The following ZFAT variants were observed in gnomAD, a reference collection of about 807,000 sequenced individuals.
The protein encoded by ZFAT is zinc finger and AT-hook domain containing.
Under a neutral mutation model 117.7 loss-of-function variants are expected in ZFAT, and 64 were observed. That is an observed-to-expected ratio of 0.54 (90% CI 0.44 to 0.67). The LOEUF is 0.67. Among genes scored for constraint, ZFAT ranks in the 30% least tolerant of loss-of-function variants. The pLI is 0.00. For synonymous variants in ZFAT, 679 were observed against 615.0 expected, an observed-to-expected ratio of 1.10 and a Z score of -1.54; for missense variants, 1,433 against 1,584.5, an observed-to-expected ratio of 0.90 and a Z score of 1.62.
At chr8:134,726,476 T>C in the ZFAT span, among the ~76,000 whole-genome samples, 4 of 152,230 alleles carry the variant, frequency 2.6e-5, no homozygotes, top group Non-Finnish European at 5.9e-5. Flanking sequence ...AAGAAGGTCA[T>C]ATATACCAGT....
chr8:134,793,628 G>T, the ZFAT span: 1 of 152,350 alleles, frequency 6.6e-6, no homozygotes, highest in African/African-American at 2.4e-5. Flanking sequence ...CCACTGATCC[G>T]ACAGGAGGCG....
chr8:134,780,772 A>C, the ZFAT span, among the ~76,000 whole-genome samples: 4 of 152,242 alleles, frequency 2.6e-5, no homozygotes, highest in African/African-American at 9.6e-5. Context: ...ATTGAAAAAA[A>C]TGCAGGACCC....
At chr8:134,723,661 C>T in the ZFAT span, 5 of 152,324 alleles carry the variant, frequency 3.3e-5, no homozygotes, top group African/African-American at 1.2e-4. Flanking sequence ...GAAGACACCC[C>T]TTGAGGACCC....
intron 14 of ZFAT, 110 bp downstream of exon 14, chr8:134,512,365 G>T: frequency 1.3e-6 from 2 of 1,483,466 alleles, no homozygotes; most frequent in Non-Finnish European, 1.8e-6. Context: ...GCTGGGTCAG[G>T]GATTCGGAAG....
At chr8:134,481,736 G>C (rs965555968) in intron 15 of ZFAT, among the ~76,000 whole-genome samples, 1 of 152,242 alleles carries the variant, frequency 6.6e-6, no homozygotes, top group African/African-American at 2.4e-5. Flanking sequence ...GGAAATGGCT[G>C]CTGCCCATAG....
intron 1 of ZFAT, among the ~76,000 whole-genome samples, chr8:134,687,967 C>G (rs1271041476): frequency 6.6e-6 from 1 of 152,170 alleles, no homozygotes; most frequent in East Asian, 1.9e-4. Flanking sequence ...GGCTCAGAAG[C>G]CCTGGTTCAA....
At chr8:134,627,769 C>T (rs1046364216) in intron 3 of ZFAT, among the ~76,000 whole-genome samples, 1 of 152,236 alleles carries the variant, frequency 6.6e-6, no homozygotes, top group Non-Finnish European at 1.5e-5. Context: ...CGGCACTGTT[C>T]TGAATGCTAC....
At chr8:134,706,196 A>C (rs1834147547) in intron 1 of ZFAT, among the ~76,000 whole-genome samples, 1 of 152,238 alleles carries the variant, frequency 6.6e-6, no homozygotes, top group South Asian at 2.1e-4. Flanking sequence ...ATAAATATCC[A>C]CAAAAAGGCT....
At chr8:134,484,254 C>A (rs574836875) in intron 15 of ZFAT, among the ~76,000 whole-genome samples, 1 of 152,226 alleles carries the variant, frequency 6.6e-6, no homozygotes, top group Non-Finnish European at 1.5e-5. Context: ...CAGTCCAGTG[C>A]CACGCTCTTG....
chr8:134,579,090 G>T (rs1825530324), intron 10 of ZFAT, among the ~76,000 whole-genome samples: 1 of 152,230 alleles, frequency 6.6e-6, no homozygotes, highest in African/African-American at 2.4e-5. Context: ...GGCCATAAGA[G>T]ACCGGGTCTA....
intron 3 of ZFAT, among the ~76,000 whole-genome samples, chr8:134,633,180 A>T (rs192460750): frequency 2.3e-4 from 34 of 148,236 alleles, no homozygotes; most frequent in Non-Finnish European, 1.5e-5. Flanking sequence ...TGATCTATCC[A>T]AGCGAACTGC....
At chr8:134,787,457 T>C in the ZFAT span, among the ~76,000 whole-genome samples, 1 of 152,236 alleles carries the variant, frequency 6.6e-6, no homozygotes, top group Non-Finnish European at 1.5e-5. Flanking sequence ...GACCTAAATG[T>C]GTGGATCACC....
At chr8:134,772,656 G>A in the ZFAT span, among the ~76,000 whole-genome samples, 1 of 152,222 alleles carries the variant, frequency 6.6e-6, no homozygotes, top group Non-Finnish European at 1.5e-5. Context: ...AGAAAGTCTA[G>A]CTAAGATCAC....
intron 11 of ZFAT, among the ~76,000 whole-genome samples, chr8:134,562,880 G>C (rs1166962581): frequency 2.0e-5 from 3 of 152,204 alleles, no homozygotes; most frequent in African/African-American, 7.2e-5. Flanking sequence ...AAGGATTTCA[G>C]GGCAAAAAGG....
the ZFAT span, among the ~76,000 whole-genome samples, chr8:134,746,090 T>C: frequency 5.3e-5 from 8 of 152,222 alleles, no homozygotes; most frequent in Non-Finnish European, 8.8e-5. Flanking sequence ...ATTTGGAATC[T>C]ACCATTATAT....
chr8:134,680,539 T>C (rs1833027937), intron 1 of ZFAT, among the ~76,000 whole-genome samples: 1 of 152,198 alleles, frequency 6.6e-6, no homozygotes, highest in South Asian at 2.1e-4. Context: ...CTTTCTACAC[T>C]TCACTCACAC....
At chr8:134,521,041 T>C (rs1820619305) in intron 12 of ZFAT, 40 bp from the exon 13 acceptor site, 2 of 1,498,306 alleles carry the variant, frequency 1.3e-6, no homozygotes, top group Non-Finnish European at 9.2e-7. Flanking sequence ...AATGTGTTCG[T>C]AATACAGAAA....
chr8:134,530,618 G>A (rs1821335005), intron 12 of ZFAT, among the ~76,000 whole-genome samples: 2 of 151,896 alleles, frequency 1.3e-5, no homozygotes, highest in Non-Finnish European at 2.9e-5. Flanking sequence ...GGGAATGGGG[G>A]GATAAACATA....
intron 13 of ZFAT, among the ~76,000 whole-genome samples, chr8:134,513,129 C>T (rs574537243): frequency 4.0e-5 from 6 of 151,642 alleles, no homozygotes; most frequent in East Asian, 1.9e-4. Context: ...TGTGATTACA[C>T]AGCACGTGGA....
Sources: allele counts gnomAD v4.1 joint callset (sites outside exome capture counted in the v4.1 genomes callset), GRCh38; gene constraint gnomAD v4.1.1; transcripts MANE v1.5; gene names NCBI Gene and HGNC (gene_info 2026-07-23, HGNC 2026-07-21).